GRIK2: variants seen among roughly 807,000 people sequenced by gnomAD.
GRIK2 encodes glutamate ionotropic receptor kainate type subunit 2.
A neutral mutation model predicts 100.3 loss-of-function variants in GRIK2; 32 were observed. The ratio of observed to expected loss-of-function variants is 0.32; its 90% confidence interval spans 0.24 to 0.43. GRIK2 has a LOEUF of 0.43. Ranked by LOEUF, GRIK2 falls within the 20% of genes least tolerant of loss-of-function variation. The probability of loss-of-function intolerance (pLI) is 1.00; values close to 1 mark genes in which losing one functional copy is unlikely to be tolerated. For missense variants in GRIK2, 843 were observed against 1,114.9 expected (o/e 0.76, Z 3.47); for synonymous variants, 417 against 389.4 (o/e 1.07, Z -0.83).
At chr6:101,746,952 A>T (rs748445172) in intron 7 of GRIK2, among the ~76,000 whole-genome samples, 4 of 152,148 alleles carry the variant, frequency 2.6e-5, no homozygotes, top group Non-Finnish European at 5.9e-5. Flanking sequence ...TATCTGTGTC[A>T]TATCTATTAT....
chr6:101,689,807 TA>T (rs1303107356), intron 7 of GRIK2, among the ~76,000 whole-genome samples: 1 of 152,088 alleles, frequency 6.6e-6, no homozygotes, highest in Non-Finnish European at 1.5e-5. Context: ...TTCCCAGACA[TA>T]AACCCCTTAT....
At chr6:101,626,694 G>GC in intron 4 of GRIK2, 57 bp downstream of exon 4, 3 of 1,459,030 alleles carry the variant, frequency 2.1e-6, no homozygotes, top group Non-Finnish European at 1.9e-6. Context: ...ATTTTCTGAA[G>GC]CCCATTCCAG....
At chr6:101,429,257 G>A (rs2518156) in intron 2 of GRIK2, among the ~76,000 whole-genome samples, 8,668 of 152,162 alleles carry the variant, frequency 0.057, 406 homozygotes, top group South Asian at 0.14. Context: ...TAAATGGCAC[G>A]TTCAGAGGGG....
At chr6:101,732,393 A>G (rs1354722535) in intron 7 of GRIK2, among the ~76,000 whole-genome samples, 2 of 152,006 alleles carry the variant, frequency 1.3e-5, no homozygotes, top group Admixed American at 6.6e-5. Flanking sequence ...ACATTAAGTG[A>G]TAACAATCAT....
chr6:101,449,231 A>G (rs1770537270), intron 2 of GRIK2, among the ~76,000 whole-genome samples: 1 of 151,762 alleles, frequency 6.6e-6, no homozygotes, highest in African/African-American at 2.4e-5. Flanking sequence ...TTTAACTGCC[A>G]AAATATTAAC....
chr6:101,771,763 A>G (rs1230872703), intron 7 of GRIK2, among the ~76,000 whole-genome samples: 4 of 135,570 alleles, frequency 3.0e-5, no homozygotes, highest in Non-Finnish European at 6.1e-5. Flanking sequence ...ATTCCCACCT[A>G]TGATTGAGAA....
chr6:101,927,153 TTTTGTTTG>T (rs1789956023), intron 13 of GRIK2: 1 of 152,576 alleles, frequency 6.6e-6, no homozygotes, highest in Admixed American at 6.5e-5. Context: ...GCTTTTAAAA[TTTTGTTTG>T]TTTGTTTGAA....
At chr6:101,751,872 G>T (rs919772683) in intron 7 of GRIK2, among the ~76,000 whole-genome samples, 1 of 152,134 alleles carries the variant, frequency 6.6e-6, no homozygotes, top group Non-Finnish European at 1.5e-5. Flanking sequence ...GTTAATGTTT[G>T]TGTCTCTTGT....
chr6:101,439,618 C>T (rs148138111), intron 2 of GRIK2, among the ~76,000 whole-genome samples: 112 of 152,194 alleles, frequency 7.4e-4, no homozygotes, highest in Non-Finnish European at 1.1e-3. Context: ...AAATATCCCT[C>T]TCCTTTTCAA....
rs143029950 is a variant in GRIK2, at chr6:101,628,994, A to G, written c.541+2357A>G. On this transcript the variant is annotated intron_variant, in intron 4 of 16. Transcript: ENST00000369134. Reference sequence around the variant, plus strand: ...TCACTAAATAGATAATGGGATTTGCAATCAGGTCCTACAATAATTTGGTAA... The same window carrying G: ...TCACTAAATAGATAATGGGATTTGCGATCAGGTCCTACAATAATTTGGTAA... Among the ~76,000 whole-genome samples the G allele has an allele frequency of 3.3e-5, 5 of 152,242 alleles. No individual in the cohort carries two copies. The East Asian group carries it at 9.7e-4, about 29-fold the overall frequency.
At chr6:101,492,829 G>A (rs1425449982) in intron 2 of GRIK2, among the ~76,000 whole-genome samples, 1 of 151,784 alleles carries the variant, frequency 6.6e-6, no homozygotes. Context: ...TCAGACCTTC[G>A]CAGACTGTGA....
intron 2 of GRIK2, among the ~76,000 whole-genome samples, chr6:101,528,861 G>A (rs10457937): frequency 1.3e-5 from 2 of 152,234 alleles, no homozygotes; most frequent in Non-Finnish European, 2.9e-5. Flanking sequence ...CAGACTCATA[G>A]CATTCTTTTG....
intron 2 of GRIK2, among the ~76,000 whole-genome samples, chr6:101,490,595 G>C (rs1332654316): frequency 6.8e-6 from 1 of 146,828 alleles, no homozygotes; most frequent in Non-Finnish European, 1.5e-5. Flanking sequence ...TAATAGGAAA[G>C]TATTGTCTTG....
chr6:101,998,702 GT>G (rs1794773216), intron 14 of GRIK2, among the ~76,000 whole-genome samples: 1 of 151,040 alleles, frequency 6.6e-6, no homozygotes, highest in African/African-American at 2.4e-5. Flanking sequence ...AATGTATAAT[GT>G]TACATGACAG....
At chr6:101,760,090 C>G (rs1030242186) in intron 7 of GRIK2, among the ~76,000 whole-genome samples, 17 of 142,194 alleles carry the variant, frequency 1.2e-4, no homozygotes, top group Non-Finnish European at 1.8e-4. Context: ...AGGATGGTCT[C>G]GATCTCCTGA....
At chr6:101,731,053 C>T (rs1775233739) in intron 7 of GRIK2, among the ~76,000 whole-genome samples, 1 of 151,912 alleles carries the variant, frequency 6.6e-6, no homozygotes. Flanking sequence ...AACTTTCTTT[C>T]TAAGCAAATT....
chr6:101,932,996 A>C (rs2852585), intron 14 of GRIK2, among the ~76,000 whole-genome samples: 5,199 of 151,986 alleles, frequency 0.034, 309 homozygotes, highest in African/African-American at 0.12. Context: ...TGTAAAAGCC[A>C]CACACGCCGT....
intron 10 of GRIK2, among the ~76,000 whole-genome samples, chr6:101,827,981 T>G (rs562425098): frequency 3.4e-4 from 51 of 152,126 alleles, no homozygotes; most frequent in Middle Eastern, 3.4e-3. Context: ...ATATACATTC[T>G]TCTCATCTGC....
chr6:101,683,074 G>A (rs989848179), intron 6 of GRIK2, among the ~76,000 whole-genome samples: 3 of 152,058 alleles, frequency 2.0e-5, no homozygotes, highest in East Asian at 1.9e-4. Flanking sequence ...ATGGTGGTGG[G>A]TGCCTGTAGT....
Sources: allele counts gnomAD v4.1 joint callset (sites outside exome capture counted in the v4.1 genomes callset), GRCh38; gene constraint gnomAD v4.1.1; transcripts MANE v1.5; gene names NCBI Gene and HGNC (gene_info 2026-07-23, HGNC 2026-07-21).